CTNNA1: variants seen among roughly 807,000 people sequenced by gnomAD.
CTNNA1 encodes the protein catenin alpha 1, also known as catenin alpha-1.
CTNNA1 carries 37 observed loss-of-function variants against 98.4 expected under a neutral mutation model. The observed-to-expected ratio is 0.38, with a 90% CI of 0.29 to 0.49. The LOEUF (loss-of-function observed/expected upper bound fraction) is 0.49, where lower values mean the gene tolerates loss of function less well. Among genes scored for constraint, CTNNA1 ranks in the 20% least tolerant of loss-of-function variants. CTNNA1 has a pLI of 0.95. For missense variants in CTNNA1, 761 were observed against 1,147.2 expected, an observed-to-expected ratio of 0.66 and a Z score of 4.86; for synonymous variants, 404 against 413.2, an observed-to-expected ratio of 0.98 and a Z score of 0.27.
intron 7 of CTNNA1, among the ~76,000 whole-genome samples, chr5:138,842,438 T>C (rs773321029): frequency 6.6e-6 from 1 of 152,250 alleles, no homozygotes; most frequent in Non-Finnish European, 1.5e-5. Flanking sequence ...GAAGCCACTG[T>C]ATATAGGAAA....
chr5:138,791,615 C>CGAA (rs1274317723), intron 3 of CTNNA1, among the ~76,000 whole-genome samples: 24 of 40,306 alleles, frequency 6.0e-4, no homozygotes, highest in Admixed American at 4.3e-4. Context: ...GACTCCGTCT[C>CGAA]AAAAAAAAAA....
intron 14 of CTNNA1, 42 bp from the exon 15 acceptor site, chr5:138,930,429 TCA>T: frequency 2.7e-6 from 4 of 1,474,800 alleles, no homozygotes; most frequent in Non-Finnish European, 3.7e-6. Context: ...TCTGAGAACT[TCA>T]TATTCTTTTT....
chr5:138,845,688 A>G (rs1762651252), intron 7 of CTNNA1, among the ~76,000 whole-genome samples: 1 of 152,184 alleles, frequency 6.6e-6, no homozygotes, highest in African/African-American at 2.4e-5. Flanking sequence ...GTGGAAGAGA[A>G]TGGATAAAAC....
intron 1 of CTNNA1, among the ~76,000 whole-genome samples, chr5:138,781,432 T>TTGG (rs1755097204): frequency 5.9e-5 from 9 of 151,968 alleles, no homozygotes; most frequent in Admixed American, 5.9e-4. Context: ...GGCGGGCCCC[T>TTGG]GTAGTCACAG....
At position 138,925,244 on chromosome 5, in the gene CTNNA1, C is replaced by G. The variant is rs1561757761; in HGVS notation, c.1748-12C>G. The G allele has an allele frequency of 2.5e-6, 4 of 1,612,942 alleles. No homozygotes were observed. The highest frequency in any genetic ancestry group is 3.4e-6 in the Non-Finnish European group (4 of 1,179,570). ...GCTGACCAGGGTATCTACTGTGCCT[C>G]TTTCTCCACAGTCATGCCACGTTTT... On this transcript the variant is annotated splice_polypyrimidine_tract_variant and intron_variant, in intron 12 of 17. Coordinates refer to ENST00000302763, the MANE Select transcript of CTNNA1 (RefSeq NM_001903.5).
chr5:138,759,537 A>G (rs1201344347), intron 1 of CTNNA1, among the ~76,000 whole-genome samples: 1 of 152,212 alleles, frequency 6.6e-6, no homozygotes, highest in Non-Finnish European at 1.5e-5. Flanking sequence ...CTGGAAGTCT[A>G]CTTCAGCTGG....
chr5:138,923,333 G>A (rs1157490767), intron 11 of CTNNA1, among the ~76,000 whole-genome samples: 3 of 152,276 alleles, frequency 2.0e-5, no homozygotes, highest in Non-Finnish European at 4.4e-5. Context: ...CTCTTAAAAT[G>A]TGTTTATGTT....
intron 1 of CTNNA1, among the ~76,000 whole-genome samples, chr5:138,769,407 G>T (rs932332691): frequency 6.6e-6 from 1 of 150,942 alleles, no homozygotes; most frequent in South Asian, 2.1e-4. Flanking sequence ...ATTATTTTTT[G>T]AGATGGAGTC....
Position 138,783,330 on chromosome 5 carries a change from A to C in CTNNA1, c.259A>C (p.Lys87Gln), listed in dbSNP as rs756417618. 6.2e-7 allele frequency: 1 copy of C among 1,614,076 alleles called. No homozygotes were observed. Residue 87 changes from lysine (K) to glutamine (Q), a missense_variant, in exon 3 of 18, where the codon AAG (lysine) becomes CAG (glutamine). Lys to Gln is a moderately conservative substitution (Grantham distance 53). Coordinates refer to ENST00000302763, the MANE Select transcript of CTNNA1 (RefSeq NM_001903.5). ...AATTGCGAAGGAGAGCCAGTTTCTC[A>C]AGGAGGAGCTTGTGGCTGCTGTAGA... ...DKIAKESQFLKEELVAAVEDV... is the reference protein window; with the variant it reads ...DKIAKESQFLQEELVAAVEDV...
chr5:138,863,097 C>T (rs1285318352), intron 7 of CTNNA1, among the ~76,000 whole-genome samples: 1 of 151,920 alleles, frequency 6.6e-6, no homozygotes, highest in Non-Finnish European at 1.5e-5. Context: ...AAGTGTGGAT[C>T]AGGGCTCCTA....
Position 138,917,745 on chromosome 5 carries a change from A to G in CTNNA1, c.1393A>G (p.Ile465Val), listed in dbSNP as rs775868066. 15 of 1,614,040 alleles carry G rather than the reference A, an allele frequency of 9.3e-6. No individual in the cohort carries two copies. Among genetic ancestry groups the G allele is most frequent in the East Asian group, 6.7e-5 (3 of 44,878 alleles). Reference sequence around the variant, plus strand: ...TGAAGTTTAATATCTTTTGCAGGTTATTAATGCTGCACTGGCTTTAGCAGC... The same window carrying G: ...TGAAGTTTAATATCTTTTGCAGGTTGTTAATGCTGCACTGGCTTTAGCAGC... ...SQLEALCPQV[I>V]NAALALAAKP... Residue 465 changes from isoleucine (I) to valine (V), a missense_variant, in exon 11 of 18, where the codon ATT becomes GTT. Transcript: ENST00000302763.
intron 3 of CTNNA1, among the ~76,000 whole-genome samples, chr5:138,806,956 G>A (rs913651542): frequency 6.6e-6 from 1 of 151,380 alleles, no homozygotes; most frequent in South Asian, 2.1e-4. Context: ...TACTCTCTAG[G>A]TGGGTGACAG....
At chr5:138,855,491 A>G (rs947787387) in intron 7 of CTNNA1, among the ~76,000 whole-genome samples, 2 of 152,216 alleles carry the variant, frequency 1.3e-5, no homozygotes, top group Admixed American at 1.3e-4. Context: ...TACTGGGTTA[A>G]ACTGGTTTTT....
At chr5:138,926,291 C>T (rs1336278032) in intron 13 of CTNNA1, among the ~76,000 whole-genome samples, 2 of 152,200 alleles carry the variant, frequency 1.3e-5, no homozygotes, top group African/African-American at 4.8e-5. Flanking sequence ...AGCTTTGAGT[C>T]CATAGTTGAA....
In CTNNA1 at chr5:138,906,035, A is replaced by ATAATC. The variant is rs1430311794; in HGVS notation, c.1389+1595_1389+1599dup. Among the ~76,000 whole-genome samples, 5 of 152,180 alleles carry ATAATC rather than the reference A, an allele frequency of 3.3e-5. No individual in the cohort carries two copies. In the East Asian group the frequency reaches 9.7e-4, roughly 29 times the overall value. Reference sequence around the variant, plus strand: ...CTATTATTTGGCTTTTTTCATGTAAATAATCCCTGACATTCAAGGTAGGCA... The same window carrying ATAATC: ...CTATTATTTGGCTTTTTTCATGTAAATAATCTAATCCCTGACATTCAAGGTAGGCA... On this transcript the variant is annotated intron_variant, in intron 10 of 17. Transcript: ENST00000302763.
intron 13 of CTNNA1, among the ~76,000 whole-genome samples, chr5:138,928,804 T>C (rs1017499087): frequency 1.4e-4 from 22 of 152,078 alleles, no homozygotes; most frequent in African/African-American, 5.1e-4. Context: ...CATGGTGGCA[T>C]GTTGCCTCTA....
chr5:138,870,989 G>T (rs903764943), intron 7 of CTNNA1: 1 of 152,050 alleles, frequency 6.6e-6, no homozygotes, highest in Non-Finnish European at 1.5e-5. Flanking sequence ...AAACTAATCT[G>T]CCCACCTTAA....
chr5:138,854,496 A>T (rs1763546539), intron 7 of CTNNA1, among the ~76,000 whole-genome samples: 1 of 152,228 alleles, frequency 6.6e-6, no homozygotes, highest in Non-Finnish European at 1.5e-5. Flanking sequence ...GAAAAGTGTA[A>T]ATGCTAGAGG....
rs1561758858 is a variant in CTNNA1, at chr5:138,925,375, C to T, written c.1867C>T (p.Arg623Trp). Residue 623 changes from arginine (R) to tryptophan (W), a missense_variant, in exon 13 of 18, where the codon CGG (arginine) becomes TGG (tryptophan). Physicochemically the swap from Arg to Trp is moderately radical, Grantham distance 101. This residue lies in a region of CTNNA1 where 287 missense variants were observed against 436.0 expected (regional missense o/e 0.66). Coordinates refer to ENST00000302763, the MANE Select transcript of CTNNA1 (RefSeq NM_001903.5). ...TTCCCGCCTGGTATATGATGGCATC[C>T]GGGACATCAGGAAAGCAGTGCTGAT... ...DASRLVYDGI[R>W]DIRKAVLMIR... 1.2e-6 allele frequency: 2 copies of T among 1,613,964 alleles called. No homozygotes were observed. Among genetic ancestry groups the T allele is most frequent in the Admixed American group, 1.7e-5 (1 of 59,998 alleles).
Sources: allele counts gnomAD v4.1 joint callset (sites outside exome capture counted in the v4.1 genomes callset), GRCh38; gene constraint gnomAD v4.1.1; regional missense constraint gnomAD v4.1.1; transcripts MANE v1.5; gene names NCBI Gene and HGNC (gene_info 2026-07-23, HGNC 2026-07-21).